The following NALF1 variants were observed in gnomAD, a reference collection of about 807,000 sequenced individuals.
The protein encoded by NALF1 is NALCN channel auxiliary factor 1, also known as family with sequence similarity 155 member A.
Under a neutral mutation model 48.4 loss-of-function variants are expected in NALF1, and 3 were observed. The ratio of observed to expected loss-of-function variants is 0.06; its 90% CI spans 0.03 to 0.16. NALF1 has a LOEUF of 0.16. NALF1 is among the 10% of genes least tolerant of loss of function. The probability of loss-of-function intolerance (pLI) is 1.00; values close to 1 mark genes in which losing one functional copy is unlikely to be tolerated. For synonymous variants in NALF1, 262 were observed against 245.7 expected, an observed-to-expected ratio of 1.07 and a Z score of -0.62; for missense variants, 526 against 571.5, an observed-to-expected ratio of 0.92 and a Z score of 0.81.
intron 1 of NALF1, among the ~76,000 whole-genome samples, chr13:107,277,902 C>T (rs1041671105): frequency 2.6e-5 from 4 of 152,180 alleles, no homozygotes; most frequent in African/African-American, 4.8e-5. Context: ...TTCTGTCCTG[C>T]GTTCTCCCAC....
intron 1 of NALF1, among the ~76,000 whole-genome samples, chr13:107,323,576 A>G (rs1320832089): frequency 1.3e-5 from 2 of 152,038 alleles, no homozygotes; most frequent in Admixed American, 6.6e-5. Context: ...AAGTCTTCCA[A>G]TGACTCCTAA....
At chr13:107,710,239 C>T (rs1594219458) in intron 1 of NALF1, among the ~76,000 whole-genome samples, 1 of 151,882 alleles carries the variant, frequency 6.6e-6, no homozygotes, top group Non-Finnish European at 1.5e-5. Context: ...TGCAGACATA[C>T]CAAACCTCTC....
chr13:107,378,661 C>G (rs150494987), intron 1 of NALF1, among the ~76,000 whole-genome samples: 1 of 151,950 alleles, frequency 6.6e-6, no homozygotes, highest in East Asian at 1.9e-4. Context: ...TATTTAAAAT[C>G]TAAAAATTTG....
At chr13:107,231,186 G>A (rs954432320) in intron 1 of NALF1, among the ~76,000 whole-genome samples, 14 of 151,770 alleles carry the variant, frequency 9.2e-5, no homozygotes, top group African/African-American at 3.4e-4. Context: ...ATGAAAAATT[G>A]GCAAATATAG....
intron 1 of NALF1, among the ~76,000 whole-genome samples, chr13:107,409,878 A>T (rs950301092): frequency 2.0e-5 from 3 of 152,138 alleles, no homozygotes; most frequent in Non-Finnish European, 2.9e-5. Flanking sequence ...CTTGAGTACT[A>T]CTGCCTCTTT....
chr13:107,217,032 A>C (rs1879887503), intron 1 of NALF1, among the ~76,000 whole-genome samples: 1 of 152,208 alleles, frequency 6.6e-6, no homozygotes, highest in South Asian at 2.1e-4. Flanking sequence ...ACGTGTCCTA[A>C]CTATGACACA....
chr13:107,211,759 C>A (rs56124244), intron 1 of NALF1, among the ~76,000 whole-genome samples: 2 of 151,930 alleles, frequency 1.3e-5, no homozygotes, highest in Non-Finnish European at 1.5e-5. Flanking sequence ...AAAATGGAGG[C>A]GCAGCAGTTA....
intron 1 of NALF1, among the ~76,000 whole-genome samples, chr13:107,764,795 T>A (rs1275100174): frequency 6.6e-6 from 1 of 152,100 alleles, no homozygotes; most frequent in Non-Finnish European, 1.5e-5. Flanking sequence ...TTTACTGGAG[T>A]TTACAGTTTT....
chr13:107,777,516 G>C (rs779838602), intron 1 of NALF1, among the ~76,000 whole-genome samples: 24 of 152,112 alleles, frequency 1.6e-4, no homozygotes, highest in Non-Finnish European at 3.2e-4. Flanking sequence ...GTGAGTTCTC[G>C]CAAGATCTGC....
At chr13:107,301,615 C>T (rs1477192769) in intron 1 of NALF1, among the ~76,000 whole-genome samples, 1 of 152,018 alleles carries the variant, frequency 6.6e-6, no homozygotes, top group East Asian at 1.9e-4. Context: ...ATGTCCTGAA[C>T]TAATTTTATT....
intron 1 of NALF1, among the ~76,000 whole-genome samples, chr13:107,512,977 G>A (rs371322300): frequency 1.3e-5 from 2 of 152,196 alleles, no homozygotes; most frequent in South Asian, 4.1e-4. Flanking sequence ...CCATTGTGTT[G>A]ATTTTAAAAA....
chr13:107,539,579 T>C (rs1876938500), intron 1 of NALF1, among the ~76,000 whole-genome samples: 1 of 152,088 alleles, frequency 6.6e-6, no homozygotes, highest in African/African-American at 2.4e-5. Flanking sequence ...TTTTCATCTA[T>C]AAAATGGGGA....
intron 1 of NALF1, among the ~76,000 whole-genome samples, chr13:107,424,369 A>T (rs1323675): frequency 0.096 from 14,644 of 151,978 alleles, 1,787 homozygotes; most frequent in African/African-American, 0.29. Context: ...AACTCCTGAG[A>T]ACAAGCAATC....
At chr13:107,213,230 C>CAAAAAAAAAAAAAAAAAAA (rs386380636) in intron 1 of NALF1, among the ~76,000 whole-genome samples, 4 of 103,380 alleles carry the variant, frequency 3.9e-5, no homozygotes, top group African/African-American at 3.8e-5. Flanking sequence ...TTTTTTAACT[C>CAAAAAAAAAAAAAAAAAAA]AAAAAAAAAA....
At chr13:107,859,651 T>A in intron 1 of NALF1, among the ~76,000 whole-genome samples, 1 of 152,062 alleles carries the variant, frequency 6.6e-6, no homozygotes, top group East Asian at 1.9e-4. Flanking sequence ...GCCTGTAATC[T>A]CAGCAATTTA....
intron 1 of NALF1, among the ~76,000 whole-genome samples, chr13:107,258,022 T>C (rs187788945): frequency 9.2e-5 from 14 of 152,270 alleles, no homozygotes; most frequent in African/African-American, 2.9e-4. Context: ...TAAACAAATA[T>C]ATAAGTGAGT....
chr13:107,842,787 C>T (rs1594309004), intron 1 of NALF1, among the ~76,000 whole-genome samples: 2 of 152,068 alleles, frequency 1.3e-5, no homozygotes, highest in East Asian at 1.9e-4. Context: ...GGTTATTAGT[C>T]ATTCCTCAGC....
chr13:107,260,251 G>T (rs1880904691), intron 1 of NALF1, among the ~76,000 whole-genome samples: 1 of 152,178 alleles, frequency 6.6e-6, no homozygotes, highest in African/African-American at 2.4e-5. Context: ...TAACATTGTT[G>T]CATATAGCCA....
chr13:107,515,591 T>A (rs1488033448), intron 1 of NALF1, among the ~76,000 whole-genome samples: 1 of 152,238 alleles, frequency 6.6e-6, no homozygotes, highest in Non-Finnish European at 1.5e-5. Context: ...CATATTCTTA[T>A]CTGTTCTCAT....
Sources: gnomAD v4.1 joint callset for allele counts (sites outside exome capture counted in the v4.1 genomes callset) on GRCh38, gnomAD v4.1.1 for gene constraint, MANE v1.5 for transcripts, NCBI Gene and HGNC (gene_info 2026-07-23, HGNC 2026-07-21) for gene names.